SPIDR: variants seen among roughly 807,000 people sequenced by gnomAD.
The protein encoded by SPIDR is scaffold protein involved in DNA repair, also known as DNA repair-scaffolding protein.
A neutral mutation model predicts 104.6 loss-of-function variants in SPIDR; 93 were observed. The observed-to-expected ratio is 0.89, with a 90% CI of 0.75 to 1.06. The LOEUF is 1.06. SPIDR is among the 50% of genes least tolerant of loss of function. The pLI is 0.00. For synonymous variants in SPIDR, 431 were observed against 416.9 expected (o/e 1.03, Z -0.41); for missense variants, 1,154 against 1,111.2 (o/e 1.04, Z -0.55).
intron 5 of SPIDR, among the ~76,000 whole-genome samples, chr8:47,359,252 CA>C (rs11372277): frequency 6.0e-4 from 69 of 114,924 alleles, no homozygotes; most frequent in Non-Finnish European, 6.0e-4. Flanking sequence ...GACTCCGTCT[CA>C]AAAAAAAAAA....
At chr8:47,609,350 T>C (rs781566399) in intron 10 of SPIDR, among the ~76,000 whole-genome samples, 3 of 152,234 alleles carry the variant, frequency 2.0e-5, no homozygotes, top group Non-Finnish European at 4.4e-5. Flanking sequence ...CTTCTGTGTT[T>C]TCTTCTAAGA....
chr8:47,497,798 T>C (rs2154369705), intron 8 of SPIDR, among the ~76,000 whole-genome samples: 1 of 152,278 alleles, frequency 6.6e-6, no homozygotes, highest in African/African-American at 2.4e-5. Context: ...TTAGAGGGCT[T>C]GGAGTATCTG....
At chr8:47,466,012 A>C (rs1554716720) in intron 8 of SPIDR, among the ~76,000 whole-genome samples, 1 of 152,152 alleles carries the variant, frequency 6.6e-6, no homozygotes, top group African/African-American at 2.4e-5. Flanking sequence ...AGGAGCACCT[A>C]GATCCGTAAA....
At chr8:47,406,091 C>CTTTTTTTTT (rs548168516) in intron 6 of SPIDR, among the ~76,000 whole-genome samples, 2 of 135,126 alleles carry the variant, frequency 1.5e-5, no homozygotes, top group African/African-American at 2.7e-5. Flanking sequence ...TTCATTTTGC[C>CTTTTTTTTT]TTTTTTTTTT....
intron 14 of SPIDR, among the ~76,000 whole-genome samples, chr8:47,702,865 G>A (rs1203514836): frequency 1.3e-5 from 2 of 152,142 alleles, no homozygotes; most frequent in South Asian, 2.1e-4. Context: ...CTGGGCTGTC[G>A]GTGGATCACC....
intron 6 of SPIDR, among the ~76,000 whole-genome samples, chr8:47,406,037 T>G (rs942917008): frequency 1.3e-5 from 2 of 152,072 alleles, no homozygotes; most frequent in Non-Finnish European, 2.9e-5. Context: ...ACAGTTTTCT[T>G]ACGAGGTTCT....
At chr8:47,397,801 A>G (rs547220414) in intron 6 of SPIDR, among the ~76,000 whole-genome samples, 41 of 152,280 alleles carry the variant, frequency 2.7e-4, no homozygotes, top group African/African-American at 9.4e-4. Flanking sequence ...TCTCTTCCGT[A>G]TTGCCAGTCA....
chr8:47,484,758 T>A (rs531866458), intron 8 of SPIDR, among the ~76,000 whole-genome samples: 2 of 152,240 alleles, frequency 1.3e-5, no homozygotes, highest in South Asian at 4.1e-4. Flanking sequence ...ATGGATTGCG[T>A]CTTGGATTAC....
chr8:47,635,864 G>A (rs1475476259), intron 10 of SPIDR, among the ~76,000 whole-genome samples: 1 of 152,228 alleles, frequency 6.6e-6, no homozygotes, highest in Non-Finnish European at 1.5e-5. Context: ...AGACATACAT[G>A]TTGGCTTTCT....
At chr8:47,425,818 T>C (rs1554684279) in intron 7 of SPIDR, among the ~76,000 whole-genome samples, 1 of 152,108 alleles carries the variant, frequency 6.6e-6, no homozygotes, top group African/African-American at 2.4e-5. Context: ...GGTTTAGGAG[T>C]ACCTTTGTCA....
intron 8 of SPIDR, among the ~76,000 whole-genome samples, chr8:47,491,123 A>G (rs1554739117): frequency 6.6e-6 from 1 of 152,248 alleles, no homozygotes; most frequent in Non-Finnish European, 1.5e-5. Context: ...AGACGTATTC[A>G]GAAATAAATC....
At chr8:47,306,613 T>C (rs1212412315) in intron 5 of SPIDR, among the ~76,000 whole-genome samples, 2 of 152,332 alleles carry the variant, frequency 1.3e-5, no homozygotes, top group African/African-American at 4.8e-5. Flanking sequence ...CTGTCAGATC[T>C]AGTTGGTTAT....
At chr8:47,439,028 C>T (rs2068880326) in intron 7 of SPIDR, among the ~76,000 whole-genome samples, 1 of 152,086 alleles carries the variant, frequency 6.6e-6, no homozygotes, top group Non-Finnish European at 1.5e-5. Context: ...ATGTTGTACC[C>T]TTCATTTTTG....
At chr8:47,582,704 T>TA (rs1295910170) in intron 8 of SPIDR, among the ~76,000 whole-genome samples, 5 of 151,984 alleles carry the variant, frequency 3.3e-5, no homozygotes, top group South Asian at 2.1e-4. Context: ...CTCTATTTTT[T>TA]AAAAAAAGCA....
intron 8 of SPIDR, among the ~76,000 whole-genome samples, chr8:47,585,126 T>G (rs751262204): frequency 6.6e-6 from 1 of 152,214 alleles, no homozygotes; most frequent in Admixed American, 6.5e-5. Flanking sequence ...TAATTAATCA[T>G]ATGCCTCCGT....
At chr8:47,488,630 G>A (rs2078119032) in intron 8 of SPIDR, among the ~76,000 whole-genome samples, 1 of 152,136 alleles carries the variant, frequency 6.6e-6, no homozygotes, top group South Asian at 2.1e-4. Context: ...GAATGCAGCA[G>A]CCCATCAAAA....
At position 47,695,360 on chromosome 8, in the gene SPIDR, C is replaced by A. The variant is rs945644452; in HGVS notation, c.1686-5043C>A. On this transcript the variant is annotated intron_variant, in intron 11 of 19. Coordinates refer to ENST00000297423, the MANE Select transcript of SPIDR (RefSeq NM_001080394.4). Reference sequence around the variant, plus strand: ...TGACAAATTTTAAGAACATTTTATACCCAGAATACATGCTTGGTTAAAAAA... The same window carrying A: ...TGACAAATTTTAAGAACATTTTATAACCAGAATACATGCTTGGTTAAAAAA... Among the ~76,000 whole-genome samples the A allele has an allele frequency of 5.7e-4, 86 of 152,040 alleles. 1 individual carries two copies. The highest frequency in any genetic ancestry group is 1.9e-3 in the African/African-American group (80 of 41,468).
chr8:47,541,620 G>C (rs556104849), intron 8 of SPIDR, among the ~76,000 whole-genome samples: 3 of 152,216 alleles, frequency 2.0e-5, no homozygotes, highest in South Asian at 4.1e-4. Context: ...ATATGGGCTG[G>C]GCACAGTGAC....
At chr8:47,624,566 T>C (rs2065713345) in intron 10 of SPIDR, among the ~76,000 whole-genome samples, 1 of 151,980 alleles carries the variant, frequency 6.6e-6, no homozygotes, top group South Asian at 2.1e-4. Context: ...TCACCACCGA[T>C]CCCACAGAAA....
Sources: gnomAD v4.1 joint callset for allele counts (sites outside exome capture counted in the v4.1 genomes callset) on GRCh38, gnomAD v4.1.1 for gene constraint, MANE v1.5 for transcripts, NCBI Gene and HGNC (gene_info 2026-07-23, HGNC 2026-07-21) for gene names.